Variants in HMBOX1 observed in about 807,000 individuals in gnomAD.
HMBOX1 encodes the protein homeobox-containing protein 1.
HMBOX1 carries 14 observed loss-of-function variants against 54.5 expected under a neutral mutation model. The ratio of observed to expected loss-of-function variants is 0.26; its 90% CI spans 0.17 to 0.40. The LOEUF (loss-of-function observed/expected upper bound fraction) is 0.40. Among genes scored for constraint, HMBOX1 ranks in the 10% least tolerant of loss-of-function variants. HMBOX1 has a pLI of 1.00. For synonymous variants in HMBOX1, 160 were observed against 181.0 expected (o/e 0.88, Z 0.93); for missense variants, 332 against 514.4 (o/e 0.65, Z 3.43).
chr8:28,928,857 T>C (rs1818998868), intron 1 of HMBOX1, among the ~76,000 whole-genome samples: 1 of 151,970 alleles, frequency 6.6e-6, no homozygotes, highest in Non-Finnish European at 1.5e-5. Flanking sequence ...CTCATAGAAA[T>C]AGAATAGAAG....
At chr8:28,935,964 T>G (rs1820337252) in intron 1 of HMBOX1, among the ~76,000 whole-genome samples, 2 of 152,076 alleles carry the variant, frequency 1.3e-5, no homozygotes, top group African/African-American at 4.8e-5. Flanking sequence ...TGATGCCTAC[T>G]CTCTAGAATT....
intron 1 of HMBOX1, among the ~76,000 whole-genome samples, chr8:28,900,122 G>A (rs1812919576): frequency 1.3e-5 from 2 of 150,674 alleles, no homozygotes; most frequent in Admixed American, 6.6e-5. Context: ...ATCATGGCGC[G>A]CCTGTAATCC....
chr8:28,996,183 T>G lies in HMBOX1; in HGVS notation c.587-12889T>G, dbSNP rs1219752441. On this transcript the variant is annotated intron_variant, in intron 4 of 9. Transcript: ENST00000287701. ...TTTATATTGAAGTGTTAAGAGTTCT[T>G]TATATAGGTTTATATAATATATTGA... Among the ~76,000 whole-genome samples, 3 of 152,190 alleles carry G rather than the reference T, an allele frequency of 2.0e-5. No individual in the cohort carries two copies. In the East Asian group the frequency reaches 5.8e-4, roughly 29 times the overall value.
At chr8:29,030,407 C>T (rs771853868) in intron 6 of HMBOX1, among the ~76,000 whole-genome samples, 2 of 151,776 alleles carry the variant, frequency 1.3e-5, no homozygotes, top group Non-Finnish European at 2.9e-5. Flanking sequence ...TTATTAGAGA[C>T]GGGGTTTCTC....
At chr8:28,955,092 G>A (rs553727734) in intron 1 of HMBOX1, among the ~76,000 whole-genome samples, 4 of 151,906 alleles carry the variant, frequency 2.6e-5, no homozygotes, top group Admixed American at 2.6e-4. Flanking sequence ...CTAGTCCTTT[G>A]GTAATTCAGA....
At chr8:29,026,381 G>GT (rs1306372440) in intron 6 of HMBOX1, among the ~76,000 whole-genome samples, 1 of 152,098 alleles carries the variant, frequency 6.6e-6, no homozygotes, top group Non-Finnish European at 1.5e-5. Context: ...GGTGGGGGAT[G>GT]TGATGGCTAA....
intron 4 of HMBOX1, among the ~76,000 whole-genome samples, chr8:28,982,782 C>T (rs937473855): frequency 6.6e-5 from 10 of 152,112 alleles, no homozygotes; most frequent in African/African-American, 1.9e-4. Context: ...CTTGCCACCA[C>T]GCCCAGCTAA....
At chr8:28,999,033 A>C (rs544550580) in intron 4 of HMBOX1, among the ~76,000 whole-genome samples, 4 of 152,116 alleles carry the variant, frequency 2.6e-5, no homozygotes, top group Non-Finnish European at 5.9e-5. Flanking sequence ...AAAATATTTA[A>C]TTATACTCTC....
intron 6 of HMBOX1, among the ~76,000 whole-genome samples, chr8:29,021,396 G>T (rs1252861594): frequency 1.3e-5 from 2 of 151,582 alleles, no homozygotes; most frequent in Non-Finnish European, 2.9e-5. Flanking sequence ...TAAATTAAAA[G>T]AAAAACTTTG....
At chr8:29,024,513 A>T (rs1173850584) in intron 6 of HMBOX1, among the ~76,000 whole-genome samples, 1 of 152,170 alleles carries the variant, frequency 6.6e-6, no homozygotes, top group African/African-American at 2.4e-5. Context: ...TCAATCAAGT[A>T]TGTATTTTAA....
chr8:28,918,639 C>T (rs922046445), intron 1 of HMBOX1, among the ~76,000 whole-genome samples: 1 of 152,170 alleles, frequency 6.6e-6, no homozygotes, highest in Non-Finnish European at 1.5e-5. Flanking sequence ...GATGTTCCCT[C>T]TTTCATTATC....
chr8:28,957,124 T>C (rs968852855), intron 1 of HMBOX1, among the ~76,000 whole-genome samples: 2 of 152,182 alleles, frequency 1.3e-5, no homozygotes, highest in African/African-American at 4.8e-5. Flanking sequence ...CATGTGTTCA[T>C]TGCAGCACTA....
chr8:29,029,549 T>C (rs1183719790), intron 6 of HMBOX1, among the ~76,000 whole-genome samples: 1 of 152,200 alleles, frequency 6.6e-6, no homozygotes, highest in Non-Finnish European at 1.5e-5. Flanking sequence ...CATTTACCTA[T>C]ATTTGGTCAC....
intron 6 of HMBOX1, among the ~76,000 whole-genome samples, chr8:29,033,883 C>T (rs1563621512): frequency 6.6e-6 from 1 of 152,154 alleles, no homozygotes; most frequent in East Asian, 1.9e-4. Context: ...ATATTATAAA[C>T]ATTAATACCA....
intron 1 of HMBOX1, among the ~76,000 whole-genome samples, chr8:28,957,139 C>A (rs1489559073): frequency 6.6e-6 from 1 of 152,088 alleles, no homozygotes; most frequent in African/African-American, 2.4e-5. Context: ...GCACTATACA[C>A]AATAGCAAAG....
At chr8:28,923,430 A>G (rs934700929) in intron 1 of HMBOX1, among the ~76,000 whole-genome samples, 9 of 152,342 alleles carry the variant, frequency 5.9e-5, no homozygotes, top group African/African-American at 1.9e-4. Flanking sequence ...ATTGATGGAT[A>G]TTGCTATGAA....
intron 5 of HMBOX1, among the ~76,000 whole-genome samples, chr8:29,018,517 A>G (rs1167477169): frequency 3.3e-5 from 5 of 152,174 alleles, no homozygotes; most frequent in Admixed American, 3.3e-4. Context: ...CTACCTGCAT[A>G]AATTCCTTAA....
chr8:29,020,704 G>T (rs1296223707), intron 6 of HMBOX1, among the ~76,000 whole-genome samples: 1 of 152,116 alleles, frequency 6.6e-6, no homozygotes, highest in Non-Finnish European at 1.5e-5. Flanking sequence ...TAATAGTACA[G>T]AAGGTCACAC....
At chr8:28,913,194 A>G (rs1387906345) in intron 1 of HMBOX1, among the ~76,000 whole-genome samples, 3 of 152,324 alleles carry the variant, frequency 2.0e-5, no homozygotes, top group Middle Eastern at 3.4e-3. Flanking sequence ...AGCAAGATGG[A>G]TAATGTTATC....
Sources: gnomAD v4.1 joint callset for allele counts (sites outside exome capture counted in the v4.1 genomes callset) on GRCh38, gnomAD v4.1.1 for gene constraint, MANE v1.5 for transcripts, NCBI Gene and HGNC (gene_info 2026-07-23, HGNC 2026-07-21) for gene names.